The following CSNK2A1 variants were observed in gnomAD, a reference collection of about 807,000 sequenced individuals.
CSNK2A1 encodes the protein casein kinase II subunit alpha.
In CSNK2A1, 10 loss-of-function variants were observed where a neutral mutation model predicts 62.9. The observed-to-expected ratio is 0.16, with a 90% CI of 0.10 to 0.27. The LOEUF is 0.27. Ranked by LOEUF, CSNK2A1 falls within the 10% of genes least tolerant of loss-of-function variation. The probability of loss-of-function intolerance (pLI) is 1.00; values close to 1 mark genes in which losing one functional copy is unlikely to be tolerated. For synonymous variants in CSNK2A1, 124 were observed against 167.8 expected (o/e 0.74, Z 2.02); for missense variants, 160 against 492.0 (o/e 0.33, Z 6.38).
At chr20:497,673 A>C (rs1340156913) in intron 7 of CSNK2A1, 48 bp downstream of exon 7, 1 of 1,508,306 alleles carries the variant, frequency 6.6e-7, no homozygotes, top group Non-Finnish European at 9.2e-7. Flanking sequence ...ACTATTTAAC[A>C]AAAAGAAGAC....
intron 13 of CSNK2A1, among the ~76,000 whole-genome samples, chr20:484,930 C>G (rs2006043): frequency 0.48 from 70,712 of 148,836 alleles, 18,280 homozygotes; most frequent in East Asian, 0.69. Flanking sequence ...AGCTGGGCGT[C>G]ATGGCGGGCG....
intron 1 of CSNK2A1, among the ~76,000 whole-genome samples, chr20:536,838 C>T (rs1426397342): frequency 3.3e-5 from 5 of 152,178 alleles, no homozygotes; most frequent in South Asian, 2.1e-4. Context: ...TTTAGCACAA[C>T]GCCTGCCAGA....
intron 2 of CSNK2A1, among the ~76,000 whole-genome samples, chr20:514,070 T>G (rs968375806): frequency 5.3e-5 from 8 of 152,086 alleles, no homozygotes; most frequent in African/African-American, 1.7e-4. Context: ...AAAAAGGGGA[T>G]GTGAAGCCCA....
At chr20:537,201 A>T (rs751747821) in intron 1 of CSNK2A1, among the ~76,000 whole-genome samples, 1 of 152,214 alleles carries the variant, frequency 6.6e-6, no homozygotes, top group Non-Finnish European at 1.5e-5. Context: ...GGCATTTAAG[A>T]TGTCACACAT....
Position 514,451 on chromosome 20 carries a change from G to C in CSNK2A1, c.-109-5791C>G, listed in dbSNP as rs118073029. ...TATCATTATTATTTTTTTGAGACAG[G>C]AGACAGGGTCTTGCGCTGTCACCCA... On this transcript the variant is annotated intron_variant, in intron 2 of 13. Coordinates refer to ENST00000217244, the MANE Select transcript of CSNK2A1 (RefSeq NM_177559.3). 8.5e-5 allele frequency among the ~76,000 whole-genome samples: 13 copies of C among 152,064 alleles called. No homozygotes were observed. In the East Asian group the frequency reaches 2.5e-3, roughly 30 times the overall value.
At chr20:532,330 A>ATTTTTTTTTTTT (rs138287291) in intron 1 of CSNK2A1, among the ~76,000 whole-genome samples, 2 of 122,002 alleles carry the variant, frequency 1.6e-5, no homozygotes, top group Non-Finnish European at 3.3e-5. Flanking sequence ...TGCCCGGCTA[A>ATTTTTTTTTTTT]TTTTTTTTTT....
chr20:492,558 G>T, intron 8 of CSNK2A1, 194 bp from the exon 9 acceptor site: 1 of 593,172 alleles, frequency 1.7e-6, no homozygotes, highest in Non-Finnish European at 2.9e-6. Flanking sequence ...TTTGTTCCTG[G>T]AAGACACAAT....
chr20:487,205 A>G, intron 12 of CSNK2A1: 1 of 618,388 alleles, frequency 1.6e-6, no homozygotes, highest in Non-Finnish European at 2.8e-6. Flanking sequence ...CACAGTATGA[A>G]AAGAGTTTAT....
rs1432156225 is a variant in CSNK2A1, at chr20:481,779, A to C, written c.*2182T>G. On this transcript the variant is annotated 3_prime_UTR_variant, in exon 14 of 14. Transcript: ENST00000217244. The stretch of plus-strand genomic sequence containing the variant: ...CTCCCCACCTCAAAAGAAAGAACTC[A>C]TTAGTTATAAGTGTCCTGTTCAAAT... 1 of 152,186 alleles carries C rather than the reference A, an allele frequency of 6.6e-6. No homozygotes were observed. Among genetic ancestry groups the C allele is most frequent in the African/African-American group, 2.4e-5 (1 of 41,454 alleles). The allele number at this position is 152,186 out of a possible 1,614,324, so 9.4% of individuals were successfully genotyped here.
chr20:501,605 C>CAT (rs2018471766), intron 4 of CSNK2A1: 1 of 152,104 alleles, frequency 6.6e-6, no homozygotes, highest in Non-Finnish European at 1.5e-5. Context: ...ACTCTTACAG[C>CAT]ATATCTCAAT....
intron 1 of CSNK2A1, 134 bp downstream of exon 1, chr20:543,538 G>C (rs2019499615): frequency 2.5e-6 from 1 of 395,904 alleles, no homozygotes; most frequent in African/African-American, 2.1e-5. Flanking sequence ...TGGTTTATGT[G>C]TGAAGGTGGG....
At chr20:535,739 CA>C (rs11477824) in intron 1 of CSNK2A1, among the ~76,000 whole-genome samples, 10,202 of 70,032 alleles carry the variant, frequency 0.15, 493 homozygotes, top group African/African-American at 0.27. Flanking sequence ...GACTCCATCT[CA>C]AAAAAAAAAA....
intron 7 of CSNK2A1, chr20:496,728 A>C (rs2018354375): frequency 1.3e-5 from 2 of 152,208 alleles, no homozygotes; most frequent in Admixed American, 1.3e-4. Flanking sequence ...CTTGTTTAGT[A>C]AGAAAGCTTA....
intron 13 of CSNK2A1, among the ~76,000 whole-genome samples, chr20:484,690 G>GTT (rs577564912): frequency 4.8e-4 from 64 of 134,030 alleles, no homozygotes; most frequent in Middle Eastern, 3.6e-3. Flanking sequence ...CTCTAATCAT[G>GTT]TTTTTGTGTG....
chr20:486,299 C>G, intron 13 of CSNK2A1, 77 bp downstream of exon 13: 1 of 1,555,404 alleles, frequency 6.4e-7, no homozygotes, highest in Non-Finnish European at 8.8e-7. Flanking sequence ...AGAAGGTATA[C>G]AAGAAATCAG....
intron 2 of CSNK2A1, among the ~76,000 whole-genome samples, chr20:514,371 AC>A (rs2018787330): frequency 6.6e-6 from 1 of 151,720 alleles, no homozygotes; most frequent in Non-Finnish European, 1.5e-5. Context: ...CAAACAAAAA[AC>A]AAAAACAAGA....
At chr20:498,837 T>C (rs575004287) in intron 6 of CSNK2A1, 6 of 152,636 alleles carry the variant, frequency 3.9e-5, no homozygotes, top group African/African-American at 1.4e-4. Flanking sequence ...TCCCTGCCTT[T>C]TAAGATCTAT....
chr20:526,458 T>A (rs1188889066), intron 2 of CSNK2A1, among the ~76,000 whole-genome samples: 2 of 151,274 alleles, frequency 1.3e-5, no homozygotes, highest in Admixed American at 1.3e-4. Context: ...AAAATTGTTT[T>A]TAATAATAAA....
chr20:480,234 T>TGTGTGTG lies in CSNK2A1; in HGVS notation c.*3726_*3727insCACACAC, dbSNP rs1568489109. On this transcript the variant is annotated 3_prime_UTR_variant, in exon 14 of 14. Transcript: ENST00000217244. The stretch of plus-strand genomic sequence containing the variant: ...TTATGCAACAATACTTCCATTTACT[T>TGTGTGTG]TGTGTGTGTGTGTGTGTGTGTGTGG... The TGTGTGTG allele has an allele frequency of 6.7e-6, 1 of 148,164 alleles. No homozygotes were observed. Among genetic ancestry groups the TGTGTGTG allele is most frequent in the Admixed American group, 6.8e-5 (1 of 14,812 alleles). 9.2% of individuals were successfully genotyped at this position (148,164 alleles called of 1,614,324 possible). A position where few individuals can be genotyped will look rare whatever the true frequency, so the allele number is the denominator to read the frequency against.
Sources: allele counts gnomAD v4.1 joint callset (sites outside exome capture counted in the v4.1 genomes callset), GRCh38; gene constraint gnomAD v4.1.1; transcripts MANE v1.5; gene names NCBI Gene and HGNC (gene_info 2026-07-23, HGNC 2026-07-21).